Variants in SEC14L1 observed in about 807,000 individuals in gnomAD.
SEC14L1 encodes SEC14 like lipid binding 1.
SEC14L1 carries 48 observed loss-of-function variants against 85.3 expected under a neutral mutation model. The observed-to-expected ratio is 0.56, with a 90% CI of 0.45 to 0.72. SEC14L1 has a LOEUF of 0.72. SEC14L1 is among the 30% of genes least tolerant of loss of function. The pLI, the probability that SEC14L1 is intolerant of heterozygous loss-of-function variation, is 0.00. For missense variants in SEC14L1, 682 were observed against 921.4 expected (o/e 0.74, Z 3.36); for synonymous variants, 391 against 355.5 (o/e 1.10, Z -1.12).
In SEC14L1 at chr17:77,206,616, A is replaced by G. The variant is rs1976475950; in HGVS notation, c.1342-112A>G. 3 of 1,350,172 alleles carry G rather than the reference A, an allele frequency of 2.2e-6. No individual in the cohort carries two copies. The highest frequency in any genetic ancestry group is 1.4e-5 in the South Asian group (1 of 71,650). 83.6% of individuals were successfully genotyped at this position (1,350,172 alleles called of 1,614,324 possible). A position where few individuals can be genotyped will look rare whatever the true frequency, so the allele number is the denominator to read the frequency against. ...AATAGACTTTACAGAAGAAGTATAT[A>G]AACTTGAATGTCTTCCCCCCACCCT... On this transcript the variant is annotated intron_variant, in intron 12 of 16. Transcript: ENST00000436233. This position sits in a 1 kb window ranked among gnomAD's most constrained non-coding sequence, Gnocchi z 4.3.
chr17:77,197,629 T>A (rs954458119), intron 8 of SEC14L1, among the ~76,000 whole-genome samples: 10 of 152,072 alleles, frequency 6.6e-5, no homozygotes, highest in African/African-American at 2.2e-4. Context: ...TTTTTTTTTT[T>A]TATATATGTA....
intron 3 of SEC14L1, among the ~76,000 whole-genome samples, chr17:77,112,208 G>A (rs920337078): frequency 2.6e-5 from 4 of 152,088 alleles, no homozygotes; most frequent in Non-Finnish European, 5.9e-5. Context: ...ATGATTGTAA[G>A]TTTCCTGAGA....
At chr17:77,197,047 TCA>T (rs1275712695) in intron 8 of SEC14L1, among the ~76,000 whole-genome samples, 1 of 152,246 alleles carries the variant, frequency 6.6e-6, no homozygotes, top group Non-Finnish European at 1.5e-5. Context: ...GCCTGAGGTC[TCA>T]CAGCCAGCGA....
rs138559408 is a variant in SEC14L1 at position 77,212,168 on chromosome 17, G to C, written c.1830G>C (p.Ser610=). ...QLGRDYSMVE[S]PLICKEGESV... is the part of the protein sequence containing the mutation. ...GCCGCGACTACAGCATGGTGGAGTC[G>C]CCTCTGATCTGCAAAGAAGGAGAAA... The change falls in exon 15 of 17, where the codon TCG becomes TCC. Residue 610 remains serine, a synonymous_variant. Transcript: ENST00000436233. The C allele has an allele frequency of 1.2e-6, 2 of 1,613,968 alleles. No individual in the cohort carries two copies. The highest frequency in any genetic ancestry group is 1.7e-6 in the Non-Finnish European group (2 of 1,180,036).
chr17:77,147,180 GAAA>G (rs1353164343), intron 3 of SEC14L1, among the ~76,000 whole-genome samples: 2 of 152,200 alleles, frequency 1.3e-5, no homozygotes, highest in African/African-American at 4.8e-5. Flanking sequence ...GAGAGTGGGA[GAAA>G]ACGCCTCACT....
At chr17:77,156,015 C>A (rs926022432) in intron 3 of SEC14L1, among the ~76,000 whole-genome samples, 2 of 152,154 alleles carry the variant, frequency 1.3e-5, no homozygotes, top group African/African-American at 2.4e-5. Context: ...CTAATTATGT[C>A]GAATTTCTTG....
intron 9 of SEC14L1, among the ~76,000 whole-genome samples, chr17:77,202,508 A>G (rs1441806300): frequency 6.6e-6 from 1 of 152,218 alleles, no homozygotes; most frequent in Non-Finnish European, 1.5e-5. Context: ...AGTCCCAGCT[A>G]TTCGGGAGGC....
intron 3 of SEC14L1, among the ~76,000 whole-genome samples, chr17:77,172,322 C>G (rs1360911978): frequency 2.6e-5 from 4 of 152,070 alleles, no homozygotes; most frequent in Non-Finnish European, 5.9e-5. Flanking sequence ...TTCTCTTTTT[C>G]CCATCTGGGA....
intron 3 of SEC14L1, among the ~76,000 whole-genome samples, chr17:77,107,252 C>T (rs1309631339): frequency 6.6e-6 from 1 of 152,142 alleles, no homozygotes. Context: ...GGTCCAGGCT[C>T]CAGGCACCAG....
chr17:77,144,373 C>T (rs1973184089), intron 3 of SEC14L1, among the ~76,000 whole-genome samples: 4 of 152,132 alleles, frequency 2.6e-5, no homozygotes, highest in Admixed American at 2.0e-4. Flanking sequence ...AGGTCAGGAA[C>T]CAGAACATGG....
chr17:77,161,712 C>CTTTTTTTTTTTTTTTTT (rs763767954), intron 3 of SEC14L1, among the ~76,000 whole-genome samples: 1 of 103,052 alleles, frequency 9.7e-6, no homozygotes, highest in Non-Finnish European at 1.9e-5. Context: ...TAAATTGGTT[C>CTTTTTTTTTTTTTTTTT]TTTTTTTTTT....
In SEC14L1 at chr17:77,216,592, C is replaced by T. The variant is rs753951720; in HGVS notation, c.*2569C>T. The T allele has an allele frequency of 6.2e-7, 1 of 1,613,354 alleles. No homozygotes were observed. The highest frequency in any genetic ancestry group is 8.5e-7 in the Non-Finnish European group (1 of 1,179,480). ...GCTGCCAAGAAAATGCTTCACTCAACAGTCCTCATGTGCCCAGAGATGTTT... is the reference window on the plus strand; with the variant it reads ...GCTGCCAAGAAAATGCTTCACTCAATAGTCCTCATGTGCCCAGAGATGTTT... On this transcript the variant is annotated 3_prime_UTR_variant, in exon 17 of 17. Transcript: ENST00000436233.
Position 77,213,508 on chromosome 17 carries a change from C to G in SEC14L1, c.2042+16C>G. ...AGGATTTCAGGTGCGGCCACCCTCGCCACAGCAGGTGCTGCGGACAGCTGG... is the reference window on the plus strand; with the variant it reads ...AGGATTTCAGGTGCGGCCACCCTCGGCACAGCAGGTGCTGCGGACAGCTGG... On this transcript the variant is annotated intron_variant, in intron 16 of 16. Coordinates refer to ENST00000436233, the MANE Select transcript of SEC14L1 (RefSeq NM_001143998.2). The surrounding 1 kb of genome is among the most constrained non-coding windows in gnomAD (Gnocchi z 7.1). 1 of 1,603,930 alleles carries G rather than the reference C, an allele frequency of 6.2e-7. No homozygotes were observed. The highest frequency in any genetic ancestry group is 1.1e-5 in the South Asian group (1 of 91,054).
intron 3 of SEC14L1, among the ~76,000 whole-genome samples, chr17:77,114,596 A>T (rs533390595): frequency 3.2e-4 from 48 of 151,740 alleles, no homozygotes; most frequent in African/African-American, 1.1e-3. Context: ...GCACTTTGGG[A>T]GGCCAAGGCG....
chr17:77,194,412 G>T (rs756016429), intron 6 of SEC14L1, among the ~76,000 whole-genome samples: 3 of 151,998 alleles, frequency 2.0e-5, no homozygotes, highest in Non-Finnish European at 4.4e-5. Context: ...AAAATTAGCC[G>T]GATGAGGTGG....
At chr17:77,099,891 G>A (rs1971727084) in intron 3 of SEC14L1, among the ~76,000 whole-genome samples, 1 of 152,124 alleles carries the variant, frequency 6.6e-6, no homozygotes, top group Non-Finnish European at 1.5e-5. Flanking sequence ...TGAAATAAAG[G>A]CTTCATGCGT....
chr17:77,206,278 T>G lies in SEC14L1; in HGVS notation c.1219T>G (p.Trp407Gly). The G allele has an allele frequency of 6.2e-7, 1 of 1,614,126 alleles. No homozygotes were observed. The highest frequency in any genetic ancestry group is 1.3e-5 in the African/African-American group (1 of 75,024). ...DLEGLNMRHL[W>G]RPGVKALLRI... ...GGAAGGGCTGAACATGCGCCACTTG[T>G]GGAGACCTGGTGTGAAAGCGCTGCT... Residue 407 changes from tryptophan to glycine, a missense_variant, in exon 12 of 17, where the codon TGG becomes GGG. This residue lies in a region of SEC14L1 where 420 missense variants were observed against 619.5 expected (regional missense o/e 0.68). Transcript: ENST00000436233. This position sits in a 1 kb window ranked among gnomAD's most constrained non-coding sequence, Gnocchi z 4.3.
At chr17:77,105,241 T>G (rs1971882271) in intron 3 of SEC14L1, among the ~76,000 whole-genome samples, 1 of 152,038 alleles carries the variant, frequency 6.6e-6, no homozygotes, top group Non-Finnish European at 1.5e-5. Context: ...TTTCACGCCT[T>G]CAACTGGAAA....
intron 3 of SEC14L1, chr17:77,093,828 C>T (rs1212599264): frequency 1.3e-5 from 2 of 152,250 alleles, no homozygotes; most frequent in Non-Finnish European, 2.9e-5. Flanking sequence ...GTCTCAAGCT[C>T]TTGGCCTCAG....
Sources: gnomAD v4.1 joint callset for allele counts (sites outside exome capture counted in the v4.1 genomes callset) on GRCh38, gnomAD v4.1.1 for gene constraint, gnomAD v4.1.1 regional missense constraint, Gnocchi (gnomAD v3.1) non-coding constraint, MANE v1.5 for transcripts, NCBI Gene and HGNC (gene_info 2026-07-23, HGNC 2026-07-21) for gene names.